The following TLN2 variants were observed in gnomAD, a reference collection of about 807,000 sequenced individuals.
TLN2 encodes talin 2, also known as talin-2.
Under a neutral mutation model 294.7 loss-of-function variants are expected in TLN2, and 118 were observed. That is an observed-to-expected ratio of 0.40 (90% CI 0.34 to 0.47). The LOEUF is 0.47. Among genes scored for constraint, TLN2 ranks in the 20% least tolerant of loss-of-function variants. The probability of loss-of-function intolerance (pLI) is 0.84; values close to 1 mark genes in which losing one functional copy is unlikely to be tolerated. For synonymous variants in TLN2, 1,431 were observed against 1,304.5 expected, an observed-to-expected ratio of 1.10 and a Z score of -2.09; for missense variants, 3,083 against 3,282.2, an observed-to-expected ratio of 0.94 and a Z score of 1.48.
chr15:62,632,203 G>A (rs1017503998), intron 3 of TLN2, among the ~76,000 whole-genome samples: 1 of 152,254 alleles, frequency 6.6e-6, no homozygotes, highest in Non-Finnish European at 1.5e-5. Flanking sequence ...TAGTGCCCCT[G>A]TGGGGCGTGG....
intron 16 of TLN2, among the ~76,000 whole-genome samples, chr15:62,700,002 A>G (rs2058614600): frequency 6.6e-6 from 1 of 152,146 alleles, no homozygotes; most frequent in Admixed American, 6.5e-5. Flanking sequence ...TGCCAGGATA[A>G]CTGCCCTCCA....
chr15:62,571,199 C>A (rs945451735), intron 1 of TLN2, among the ~76,000 whole-genome samples: 3 of 152,226 alleles, frequency 2.0e-5, no homozygotes, highest in African/African-American at 7.2e-5. Flanking sequence ...ATGAGCCTGA[C>A]ACTTGGCACC....
At chr15:62,522,439 G>A (rs374890610) in intron 1 of TLN2, among the ~76,000 whole-genome samples, 2 of 152,132 alleles carry the variant, frequency 1.3e-5, no homozygotes, top group African/African-American at 2.4e-5. Context: ...GATGAAATAC[G>A]GGTCAGCTTG....
intron 48 of TLN2, among the ~76,000 whole-genome samples, chr15:62,798,590 A>G (rs1459250946): frequency 6.6e-6 from 1 of 152,234 alleles, no homozygotes; most frequent in Admixed American, 6.5e-5. Flanking sequence ...CTGTTCCCAG[A>G]ACCGTCAAAT....
chr15:62,547,358 C>G (rs2042051203), intron 1 of TLN2, among the ~76,000 whole-genome samples: 1 of 152,164 alleles, frequency 6.6e-6, no homozygotes, highest in South Asian at 2.1e-4. Context: ...ACGTTGACAT[C>G]TTTGTGGCTC....
intron 1 of TLN2, among the ~76,000 whole-genome samples, chr15:62,432,137 T>A (rs1244418785): frequency 6.6e-6 from 1 of 152,256 alleles, no homozygotes; most frequent in Non-Finnish European, 1.5e-5. Flanking sequence ...TAAATTTTTT[T>A]ACTTTTTATT....
rs2034008709 is a variant in TLN2 at position 62,415,246 on chromosome 15, GAC to G, written c.-238+24563_-238+24564del. Among the ~76,000 whole-genome samples the G allele has an allele frequency of 1.4e-5, 2 of 141,376 alleles. 1 individual carries two copies. The highest frequency in any genetic ancestry group is 3.0e-5 in the Non-Finnish European group (2 of 66,034). The allele number at this position is 141,376 out of a possible 152,430, so 92.7% of individuals were successfully genotyped here. A position where few individuals can be genotyped will look rare whatever the true frequency, so the allele number is the denominator to read the frequency against. ...CATGTTCCTATTAGGGACAGAGATGGACAGATTTCTGGGAGGAAAGGGTAGGA... is the reference window on the plus strand; with the variant it reads ...CATGTTCCTATTAGGGACAGAGATGGAGATTTCTGGGAGGAAAGGGTAGGA... On this transcript the variant is annotated intron_variant, in intron 1 of 58. Coordinates refer to ENST00000636159, the MANE Select transcript of TLN2 (RefSeq NM_015059.3).
At chr15:62,586,224 G>A (rs1329686803) in intron 1 of TLN2, among the ~76,000 whole-genome samples, 3 of 152,198 alleles carry the variant, frequency 2.0e-5, no homozygotes, top group African/African-American at 4.8e-5. Flanking sequence ...ACACTGGGTG[G>A]CCCATGTGTT....
At position 62,698,842 on chromosome 15, in the gene TLN2, C is replaced by T. The variant is rs576320794; in HGVS notation, c.1562C>T (p.Ser521Leu). The change falls in exon 16 of 59, where the codon TCG (serine) becomes TTG (leucine). Residue 521 changes from serine (S) to leucine (L), a missense_variant. Ser to Leu is a moderately radical substitution (Grantham distance 145). Transcript: ENST00000636159. ...CAGGATGATCTCAGTGAGCTCGACT[C>T]GCTGCCACCTCTCGGCCAGGATATG... ...QAQDDLSELD[S>L]LPPLGQDMAS... The T allele has an allele frequency of 2.2e-4, 350 of 1,612,892 alleles. 1 individual carries two copies. In the Middle Eastern group the frequency reaches 2.6e-3, roughly 12 times the overall value.
chr15:62,638,726 C>T (rs2050664665), intron 3 of TLN2: 3 of 422,650 alleles, frequency 7.1e-6, no homozygotes, highest in Non-Finnish European at 9.4e-6. Flanking sequence ...GACTTCTCCC[C>T]ACCCCATTCA....
chr15:62,693,539 A>G (rs1273922977), intron 13 of TLN2, among the ~76,000 whole-genome samples: 4 of 152,046 alleles, frequency 2.6e-5, no homozygotes, highest in African/African-American at 9.7e-5. Flanking sequence ...ACGTAGCTGT[A>G]CTGTGCTTTT....
chr15:62,794,960 T>C (rs1031370790), intron 46 of TLN2, among the ~76,000 whole-genome samples: 2 of 152,170 alleles, frequency 1.3e-5, no homozygotes, highest in African/African-American at 4.8e-5. Context: ...CAGAGGTTAA[T>C]ACAAAGACTC....
intron 43 of TLN2, among the ~76,000 whole-genome samples, chr15:62,778,269 C>A (rs981178620): frequency 4.6e-5 from 7 of 152,198 alleles, no homozygotes; most frequent in Admixed American, 2.0e-4. Context: ...CTGTGGGCTT[C>A]TCATGCTGCA....
At chr15:62,611,452 A>G (rs1182336719) in intron 2 of TLN2, among the ~76,000 whole-genome samples, 2 of 152,226 alleles carry the variant, frequency 1.3e-5, no homozygotes, top group African/African-American at 4.8e-5. Flanking sequence ...CCAGAGGGCA[A>G]GGGACTGTGT....
chr15:62,422,536 A>G (rs2034473424), intron 1 of TLN2, among the ~76,000 whole-genome samples: 1 of 152,214 alleles, frequency 6.6e-6, no homozygotes, highest in African/African-American at 2.4e-5. Flanking sequence ...TAGGCCATTT[A>G]CTATGCAGCT....
chr15:62,763,094 T>C (rs577407911), intron 39 of TLN2: 1 of 153,690 alleles, frequency 6.5e-6, no homozygotes, highest in South Asian at 2.1e-4. Context: ...CTTTATTTCT[T>C]AATGCCTTGC....
At chr15:62,481,928 C>G (rs2038124439) in intron 1 of TLN2, among the ~76,000 whole-genome samples, 1 of 151,176 alleles carries the variant, frequency 6.6e-6, no homozygotes, top group Non-Finnish European at 1.5e-5. Context: ...TCCCGAGTAG[C>G]TGGGATTACA....
At chr15:62,735,934 A>C (rs1275193218) in intron 28 of TLN2, among the ~76,000 whole-genome samples, 50 of 152,222 alleles carry the variant, frequency 3.3e-4, no homozygotes, top group Admixed American at 3.3e-3. Context: ...ATCACAACTT[A>C]GCTGAATCTC....
At chr15:62,404,500 C>T (rs999524228) in intron 1 of TLN2, among the ~76,000 whole-genome samples, 1 of 152,136 alleles carries the variant, frequency 6.6e-6, no homozygotes, top group African/African-American at 2.4e-5. Flanking sequence ...TCAGTGGGCC[C>T]TCTCTGCGCT....
Sources: allele counts gnomAD v4.1 joint callset (sites outside exome capture counted in the v4.1 genomes callset), GRCh38; gene constraint gnomAD v4.1.1; transcripts MANE v1.5; gene names NCBI Gene and HGNC (gene_info 2026-07-23, HGNC 2026-07-21).